The following GRIK2 variants were observed in gnomAD, a reference collection of about 807,000 sequenced individuals.
GRIK2 encodes glutamate receptor ionotropic, kainate 2.
In GRIK2, 32 loss-of-function variants were observed where a neutral mutation model predicts 100.3. The observed-to-expected ratio is 0.32, with a 90% CI of 0.24 to 0.43. The LOEUF (loss-of-function observed/expected upper bound fraction) is 0.43. Ranked by LOEUF, GRIK2 falls within the 20% of genes least tolerant of loss-of-function variation. GRIK2 has a pLI of 1.00. For synonymous variants in GRIK2, 417 were observed against 389.4 expected (o/e 1.07, Z -0.83); for missense variants, 843 against 1,114.9 (o/e 0.76, Z 3.47).
chr6:101,556,130 C>T (rs1776724078), intron 2 of GRIK2, among the ~76,000 whole-genome samples: 1 of 151,524 alleles, frequency 6.6e-6, no homozygotes, highest in South Asian at 2.1e-4. Flanking sequence ...TTTATATCTC[C>T]ATAAATGCTC....
chr6:102,006,686 A>C (rs1188474921), intron 14 of GRIK2, among the ~76,000 whole-genome samples: 1 of 151,772 alleles, frequency 6.6e-6, no homozygotes, highest in East Asian at 1.9e-4. Flanking sequence ...TGTCATACTG[A>C]GATAATGATC....
At chr6:101,587,473 A>G (rs1778435689) in intron 2 of GRIK2, among the ~76,000 whole-genome samples, 1 of 151,974 alleles carries the variant, frequency 6.6e-6, no homozygotes, top group Non-Finnish European at 1.5e-5. Flanking sequence ...ACCTATCTGA[A>G]ATAGGATTTC....
At chr6:101,433,526 ATATT>A (rs977581841) in intron 2 of GRIK2, among the ~76,000 whole-genome samples, 1 of 152,272 alleles carries the variant, frequency 6.6e-6, no homozygotes, top group African/African-American at 2.4e-5. Flanking sequence ...AGTGCAATAA[ATATT>A]TATTATTGCT....
At position 101,463,992 on chromosome 6, in the gene GRIK2, TGCATA is replaced by T. The variant is rs2128253218; in HGVS notation, c.115+64602_115+64606del. Among the ~76,000 whole-genome samples the T allele has an allele frequency of 2.0e-5, 3 of 152,298 alleles. No individual in the cohort carries two copies. The East Asian group carries it at 5.8e-4, about 29-fold the overall frequency. ...CTGCAAGAATTCCCTGGTCCTTCAA[TGCATA>T]GTGTGACTAGTAAATCTCCAAAAGA... On this transcript the variant is annotated intron_variant, in intron 2 of 16. Coordinates refer to ENST00000369134, the MANE Select transcript of GRIK2 (RefSeq NM_021956.5).
At chr6:101,979,459 A>G (rs1226951686) in intron 14 of GRIK2, among the ~76,000 whole-genome samples, 1 of 151,998 alleles carries the variant, frequency 6.6e-6, no homozygotes, top group Non-Finnish European at 1.5e-5. Flanking sequence ...AGGTGAGTAG[A>G]ATGTTCACAG....
At chr6:102,017,280 G>T (rs555064197) in intron 14 of GRIK2, among the ~76,000 whole-genome samples, 1 of 152,166 alleles carries the variant, frequency 6.6e-6, no homozygotes, top group South Asian at 2.1e-4. Flanking sequence ...AGAGAGTGAA[G>T]GGGGAACTGC....
At chr6:101,937,350 T>A (rs1404973523) in intron 14 of GRIK2, among the ~76,000 whole-genome samples, 1 of 152,106 alleles carries the variant, frequency 6.6e-6, no homozygotes, top group Non-Finnish European at 1.5e-5. Flanking sequence ...CTCATCAGTC[T>A]TAGGAGAGAG....
chr6:101,779,106 A>C (rs1235257417), intron 7 of GRIK2, among the ~76,000 whole-genome samples: 1 of 152,190 alleles, frequency 6.6e-6, no homozygotes, highest in Non-Finnish European at 1.5e-5. Flanking sequence ...ATTATTTAAA[A>C]ATATGTAGTG....
chr6:102,003,223 C>T (rs1393196481), intron 14 of GRIK2, among the ~76,000 whole-genome samples: 2 of 151,382 alleles, frequency 1.3e-5, no homozygotes, highest in African/African-American at 4.8e-5. Context: ...TCCATTTATC[C>T]TATGTTTATT....
intron 11 of GRIK2, among the ~76,000 whole-genome samples, chr6:101,867,894 A>T: frequency 6.6e-6 from 1 of 151,734 alleles, no homozygotes; most frequent in Admixed American, 6.6e-5. Context: ...AGAGCTAAGG[A>T]TTATTTTATT....
intron 14 of GRIK2, among the ~76,000 whole-genome samples, chr6:101,934,839 G>T (rs1412983393): frequency 6.6e-6 from 1 of 151,908 alleles, no homozygotes; most frequent in Non-Finnish European, 1.5e-5. Context: ...CTTCTGAAAT[G>T]AATGTTTATT....
chr6:101,866,003 A>G (rs533198215), intron 11 of GRIK2, among the ~76,000 whole-genome samples: 29 of 152,282 alleles, frequency 1.9e-4, no homozygotes, highest in African/African-American at 7.0e-4. Flanking sequence ...TGTATTTTTA[A>G]AATGTTGGCA....
chr6:101,767,692 C>T (rs1274106367), intron 7 of GRIK2, among the ~76,000 whole-genome samples: 2 of 151,744 alleles, frequency 1.3e-5, no homozygotes, highest in Non-Finnish European at 2.9e-5. Context: ...AGAATAATTA[C>T]CTCTGAGGAA....
In GRIK2 at chr6:102,032,760, T is replaced by C. The variant is rs564785760; in HGVS notation, c.2086-2581T>C. Among the ~76,000 whole-genome samples the C allele has an allele frequency of 5.3e-5, 8 of 151,328 alleles. No homozygotes were observed. In the South Asian group the frequency reaches 1.7e-3, roughly 31 times the overall value. On this transcript the variant is annotated intron_variant, in intron 14 of 16. Coordinates refer to ENST00000369134, the MANE Select transcript of GRIK2 (RefSeq NM_021956.5). ...TTTGAGGATCATTTATGCCATTCTG[T>C]TTGCTTTAGTCTTTATATTTTCAGT...
chr6:101,576,449 T>G (rs1191416839), intron 2 of GRIK2, among the ~76,000 whole-genome samples: 1 of 152,062 alleles, frequency 6.6e-6, no homozygotes, highest in Non-Finnish European at 1.5e-5. Context: ...GTTATAAAAT[T>G]AATAAAATCA....
chr6:101,471,953 C>T (rs1438204565), intron 2 of GRIK2, among the ~76,000 whole-genome samples: 5 of 151,492 alleles, frequency 3.3e-5, no homozygotes, highest in Non-Finnish European at 7.4e-5. Flanking sequence ...GTCATGGTGT[C>T]CATAAATTTT....
At chr6:101,642,073 C>T (rs1483908346) in intron 4 of GRIK2, among the ~76,000 whole-genome samples, 1 of 151,850 alleles carries the variant, frequency 6.6e-6, no homozygotes, top group East Asian at 1.9e-4. Flanking sequence ...CTGTAGTACT[C>T]ATTTAATATA....
At chr6:101,688,091 TATATTATATAAAAATATTTAA>T (rs1333810012) in intron 7 of GRIK2, among the ~76,000 whole-genome samples, 24 of 146,368 alleles carry the variant, frequency 1.6e-4, no homozygotes, top group South Asian at 8.4e-4. Flanking sequence ...TATAAAAATA[TATATTATATAAAAATATTTAA>T]ATATTATATA....
chr6:101,680,882 G>C (rs577344939), intron 5 of GRIK2, among the ~76,000 whole-genome samples: 2 of 152,100 alleles, frequency 1.3e-5, no homozygotes, highest in Non-Finnish European at 1.5e-5. Context: ...GTTTATATAA[G>C]TATTACCCAC....
Sources: gnomAD v4.1 joint callset for allele counts (sites outside exome capture counted in the v4.1 genomes callset) on GRCh38, gnomAD v4.1.1 for gene constraint, MANE v1.5 for transcripts, NCBI Gene and HGNC (gene_info 2026-07-23, HGNC 2026-07-21) for gene names.